Variants in CAPN14 observed in about 807,000 individuals in gnomAD.
The protein encoded by CAPN14 is calpain-14.
In CAPN14, 94 loss-of-function variants were observed where a neutral mutation model predicts 101.3. The observed-to-expected ratio is 0.93, with a 90% CI of 0.79 to 1.10. The LOEUF is 1.10. CAPN14 is among the 50% of genes least tolerant of loss of function. The pLI is 0.00. For missense variants in CAPN14, 837 were observed against 828.4 expected (o/e 1.01, Z -0.13); for synonymous variants, 338 against 317.9 (o/e 1.06, Z -0.67).
At chr2:31,180,845 A>G (rs1401911420) in intron 17 of CAPN14, 91 bp downstream of exon 17, 1 of 1,093,964 alleles carries the variant, frequency 9.1e-7, no homozygotes, top group African/African-American at 1.6e-5. Context: ...ATTAGCAAGG[A>G]TTGGGGTTGG....
intron 12 of CAPN14, among the ~76,000 whole-genome samples, chr2:31,190,648 T>A (rs1433858530): frequency 6.6e-6 from 1 of 152,220 alleles, no homozygotes; most frequent in South Asian, 2.1e-4. Flanking sequence ...GAAGTAGGCA[T>A]GACATAAATA....
intron 15 of CAPN14, among the ~76,000 whole-genome samples, chr2:31,187,158 T>C (rs899664908): frequency 5.9e-5 from 9 of 152,198 alleles, no homozygotes; most frequent in Non-Finnish European, 1.0e-4. Flanking sequence ...ATTTCCAGTA[T>C]GTTTCTCGCC....
Position 31,193,169 on chromosome 2 carries a change from T to G in CAPN14, c.1076A>C (p.Lys359Thr), listed in dbSNP as rs1681287579. ...CCTCTGGCCACCAGCTGTGCTCCGC[T>G]TCTCCCATCTCCCCTCCCGCATGGT... ...TYTMREGRWE[K>T]RSTAGGQRQL... The change falls in exon 10 of 22, where the codon AAG becomes ACG. Residue 359 changes from lysine to threonine, a missense_variant. Coordinates refer to ENST00000403897, the MANE Select transcript of CAPN14 (RefSeq NM_001145122.2). 3.2e-6 allele frequency: 5 copies of G among 1,551,388 alleles called. No homozygotes were observed. The highest frequency in any genetic ancestry group is 4.4e-6 in the Non-Finnish European group (5 of 1,146,966).
chr2:31,190,993 A>G (rs1441650498), intron 12 of CAPN14, among the ~76,000 whole-genome samples: 1 of 152,172 alleles, frequency 6.6e-6, no homozygotes, highest in Non-Finnish European at 1.5e-5. Context: ...GGTGGGCTGC[A>G]TGGTCTTTGA....
At chr2:31,218,818 T>C (rs542200832), upstream of CAPN14, among the ~76,000 whole-genome samples, 4 of 152,326 alleles carry the variant, frequency 2.6e-5, no homozygotes, top group African/African-American at 9.6e-5. Context: ...TCCCTGCCAC[T>C]GTCAAATCAA....
intron 1 of CAPN14, among the ~76,000 whole-genome samples, chr2:31,214,864 C>T (rs770808946): frequency 6.6e-6 from 1 of 152,178 alleles, no homozygotes; most frequent in African/African-American, 2.4e-5. Flanking sequence ...AAATATGAGG[C>T]TAGAAGGAAC....
intron 9 of CAPN14, among the ~76,000 whole-genome samples, chr2:31,194,092 C>T (rs1188438752): frequency 1.3e-5 from 2 of 152,096 alleles, no homozygotes; most frequent in Non-Finnish European, 2.9e-5. Flanking sequence ...ACCTCATGGC[C>T]TTTTCAGGAC....
intron 6 of CAPN14, among the ~76,000 whole-genome samples, chr2:31,199,788 A>G (rs1681657445): frequency 6.6e-6 from 1 of 152,202 alleles, no homozygotes; most frequent in South Asian, 2.1e-4. Flanking sequence ...GAGTTGAGTC[A>G]ATGTGTGAGG....
chr2:31,224,624 G>A (rs528426478), intron 2 of CAPN14, among the ~76,000 whole-genome samples: 181 of 151,932 alleles, frequency 1.2e-3, no homozygotes, highest in Middle Eastern at 0.01. Flanking sequence ...AAAAGCACTG[G>A]TTGATAATCT....
At chr2:31,181,403 TTTCTTTCTTTC>T (rs1680599510) in intron 16 of CAPN14, among the ~76,000 whole-genome samples, 1 of 60,586 alleles carries the variant, frequency 1.7e-5, no homozygotes, top group Admixed American at 1.6e-4. Flanking sequence ...TCTTTTTTTC[TTTCTTTCTTTC>T]TTTCTTTCTT....
At chr2:31,176,469 A>G in intron 21 of CAPN14, 118 bp downstream of exon 21, 1 of 736,742 alleles carries the variant, frequency 1.4e-6, no homozygotes, top group Non-Finnish European at 2.3e-6. Flanking sequence ...GTAGTGCTCA[A>G]TTTCCAATTC....
At position 31,195,491 on chromosome 2, in the gene CAPN14, C is replaced by T. The variant is rs556274168; in HGVS notation, c.876-1008G>A. Among the ~76,000 whole-genome samples, 16 of 152,270 alleles carry T rather than the reference C, an allele frequency of 1.1e-4. No individual in the cohort carries two copies. In the East Asian group the frequency reaches 3.1e-3, roughly 29 times the overall value. On this transcript the variant is annotated intron_variant, in intron 8 of 21. Transcript: ENST00000403897. ...AGCTGGGATTACAGGCACATGCCAC[C>T]ACACCTGGCTAATTTTTGCAGTATT...
chr2:31,200,892 G>A (rs973458583), intron 5 of CAPN14, among the ~76,000 whole-genome samples: 7 of 152,120 alleles, frequency 4.6e-5, no homozygotes, highest in Admixed American at 1.3e-4. Context: ...CCATTCAGAC[G>A]TTTGCCTGAG....
intron 5 of CAPN14, 63 bp downstream of exon 5, chr2:31,201,799 C>T: frequency 6.5e-7 from 1 of 1,528,820 alleles, no homozygotes; most frequent in Middle Eastern, 1.7e-4. Flanking sequence ...CACTCCCCTC[C>T]CTCAACATTG....
chr2:31,224,518 G>T (rs911350128), intron 2 of CAPN14, among the ~76,000 whole-genome samples: 1 of 152,018 alleles, frequency 6.6e-6, no homozygotes, highest in African/African-American at 2.4e-5. Flanking sequence ...AACAAAACAA[G>T]AATGCTCACA....
At chr2:31,206,021 A>ATTTTTCTTTT (rs1682059905) in intron 1 of CAPN14, among the ~76,000 whole-genome samples, 1 of 108,748 alleles carries the variant, frequency 9.2e-6, no homozygotes, top group Non-Finnish European at 2.0e-5. Context: ...CATTATCTTT[A>ATTTTTCTTTT]TTTTTTTTAT....
At chr2:31,178,399 T>G in intron 18 of CAPN14, 112 bp downstream of exon 18, 1 of 782,236 alleles carries the variant, frequency 1.3e-6, no homozygotes, top group Non-Finnish European at 2.2e-6. Context: ...TAGAGAAGGT[T>G]TGGTGAGGTG....
intron 11 of CAPN14, 87 bp downstream of exon 11, chr2:31,191,848 G>T: frequency 7.8e-7 from 1 of 1,273,950 alleles, no homozygotes. Flanking sequence ...GACAGATGGT[G>T]AAGAAGACAG....
At chr2:31,216,201 A>G (rs1682636178) in intron 1 of CAPN14, among the ~76,000 whole-genome samples, 1 of 152,202 alleles carries the variant, frequency 6.6e-6, no homozygotes, top group African/African-American at 2.4e-5. Context: ...CATTTACATA[A>G]CTTTCAAAAG....
Sources: gnomAD v4.1 joint callset for allele counts (sites outside exome capture counted in the v4.1 genomes callset) on GRCh38, gnomAD v4.1.1 for gene constraint, MANE v1.5 for transcripts, NCBI Gene and HGNC (gene_info 2026-07-23, HGNC 2026-07-21) for gene names.